The following SH3BP5 variants were observed in gnomAD, a reference collection of about 807,000 sequenced individuals.
SH3BP5 encodes SH3 domain binding protein 5, also known as SH3 domain-binding protein 5.
In SH3BP5, 22 loss-of-function variants were observed where a neutral mutation model predicts 43.3. The ratio of observed to expected loss-of-function variants is 0.51; its 90% CI spans 0.36 to 0.73. SH3BP5 has a LOEUF of 0.73. SH3BP5 is among the 30% of genes least tolerant of loss of function. The pLI, the probability that SH3BP5 is intolerant of heterozygous loss-of-function variation, is 0.00. For synonymous variants in SH3BP5, 255 were observed against 225.8 expected (o/e 1.13, Z -1.16); for missense variants, 529 against 586.9 (o/e 0.90, Z 1.02).
rs190583779 is a variant in SH3BP5 at position 15,328,838 on chromosome 3, G to A, written c.201+1666C>T. On this transcript the variant is annotated intron_variant, in intron 2 of 8. Transcript: ENST00000383791. ...TGAGTCCTGATCTGGAAAGTAAATA[G>A]TCCCTACCCTCCTAGCTCTCCAGGC... Among the ~76,000 whole-genome samples, 524 of 152,240 alleles carry A rather than the reference G, an allele frequency of 3.4e-3. 6 individuals carry two copies. Among genetic ancestry groups the A allele is most frequent in the Non-Finnish European group, 3.3e-3 (224 of 68,024 alleles).
intron 6 of SH3BP5, 108 bp from the exon 7 acceptor site, chr3:15,259,158 A>G: frequency 6.8e-6 from 6 of 879,700 alleles, no homozygotes; most frequent in South Asian, 6.4e-5. Flanking sequence ...ACTTCAAGGA[A>G]TTTTCCAAGA....
intron 2 of SH3BP5, among the ~76,000 whole-genome samples, chr3:15,330,049 G>A (rs1698570928): frequency 6.6e-6 from 1 of 152,226 alleles, no homozygotes. Context: ...GAAGGAGGCG[G>A]GGGGTGAGTT....
At chr3:15,321,148 C>T (rs867691446) in intron 2 of SH3BP5, among the ~76,000 whole-genome samples, 45 of 152,210 alleles carry the variant, frequency 3.0e-4, no homozygotes, top group African/African-American at 1.1e-3. Context: ...CCTATACGTG[C>T]CCACATTTAT....
At chr3:15,303,533 T>G (rs902710290) in intron 3 of SH3BP5, among the ~76,000 whole-genome samples, 1 of 152,150 alleles carries the variant, frequency 6.6e-6, no homozygotes, top group African/African-American at 2.4e-5. Context: ...AGCAATCGCC[T>G]GATCACAGTC....
In SH3BP5 at chr3:15,288,301, A is replaced by G. The variant is rs568458800; in HGVS notation, c.330+15802T>C. On this transcript the variant is annotated intron_variant, in intron 3 of 8. Transcript: ENST00000383791. Reference sequence around the variant, plus strand: ...AACAACCAGAATTATATTTGACCACATATCTGGACACTGCAGCCCAGTCAA... The same window carrying G: ...AACAACCAGAATTATATTTGACCACGTATCTGGACACTGCAGCCCAGTCAA... Among the ~76,000 whole-genome samples the G allele has an allele frequency of 9.2e-5, 14 of 152,354 alleles. No individual in the cohort carries two copies. In the South Asian group the frequency reaches 2.9e-3, roughly 32 times the overall value.
chr3:15,287,521 C>A (rs927765316), intron 3 of SH3BP5, among the ~76,000 whole-genome samples: 2 of 151,906 alleles, frequency 1.3e-5, no homozygotes, highest in Non-Finnish European at 2.9e-5. Flanking sequence ...CTATCTGCAC[C>A]GTCCCAAAAT....
At chr3:15,272,276 G>C (rs186925657) in intron 3 of SH3BP5, among the ~76,000 whole-genome samples, 17 of 152,310 alleles carry the variant, frequency 1.1e-4, no homozygotes, top group African/African-American at 4.1e-4. Context: ...TCCAGGCGAC[G>C]ATGACAATCA....
intron 3 of SH3BP5, among the ~76,000 whole-genome samples, chr3:15,296,673 T>A (rs1697581649): frequency 6.7e-6 from 1 of 150,212 alleles, no homozygotes; most frequent in South Asian, 2.1e-4. Context: ...CCTCTCATCC[T>A]CCACTTACGA....
chr3:15,305,515 C>T (rs1405398730), intron 2 of SH3BP5, among the ~76,000 whole-genome samples: 1 of 152,162 alleles, frequency 6.6e-6, no homozygotes, highest in Non-Finnish European at 1.5e-5. Context: ...GGTCCAGTCG[C>T]CATGGAACTC....
intron 3 of SH3BP5, among the ~76,000 whole-genome samples, chr3:15,291,575 A>C (rs1363867883): frequency 6.6e-6 from 1 of 152,216 alleles, no homozygotes; most frequent in East Asian, 1.9e-4. Context: ...CTTCTGGCTT[A>C]AACTCCACAA....
intron 3 of SH3BP5, among the ~76,000 whole-genome samples, chr3:15,271,995 C>G (rs568281947): frequency 6.6e-6 from 1 of 152,236 alleles, no homozygotes; most frequent in Non-Finnish European, 1.5e-5. Flanking sequence ...ATCCCCAAGT[C>G]AGTTACATAA....
intron 3 of SH3BP5, among the ~76,000 whole-genome samples, chr3:15,272,272 C>T (rs578073169): frequency 5.3e-5 from 8 of 152,262 alleles, no homozygotes; most frequent in South Asian, 4.1e-4. Flanking sequence ...GCCCTCCAGG[C>T]GACGATGACA....
chr3:15,332,654 C>A, upstream of SH3BP5: 1 of 1,154,942 alleles, frequency 8.7e-7, no homozygotes, highest in Non-Finnish European at 1.1e-6. Flanking sequence ...CCCCGTCCCG[C>A]CCCGGCCTCG....
rs542020431 is a variant in SH3BP5, at chr3:15,314,665, G to A, written c.202-10434C>T. On this transcript the variant is annotated intron_variant, in intron 2 of 8. Transcript: ENST00000383791. The stretch of plus-strand genomic sequence containing the variant: ...ATGGCATAGGCCCAATTCCACAGCA[G>A]TTTGTGTCATCCAACTAGAAGACCC... Among the ~76,000 whole-genome samples, 6 of 152,342 alleles carry A rather than the reference G, an allele frequency of 3.9e-5. No homozygotes were observed. In the South Asian group the frequency reaches 1.2e-3, roughly 32 times the overall value.
intron 2 of SH3BP5, among the ~76,000 whole-genome samples, chr3:15,306,475 T>C (rs1697909440): frequency 6.6e-6 from 1 of 151,998 alleles, no homozygotes; most frequent in South Asian, 2.1e-4. Flanking sequence ...ACCACTGCAC[T>C]CCAGCCTGGA....
chr3:15,303,692 G>GAA (rs754583932), intron 3 of SH3BP5, among the ~76,000 whole-genome samples: 1 of 135,334 alleles, frequency 7.4e-6, no homozygotes, highest in Admixed American at 7.4e-5. Flanking sequence ...TCTTAAAAAG[G>GAA]AAAAAAAAAA....
upstream of SH3BP5, among the ~76,000 whole-genome samples, chr3:15,335,029 T>C (rs1029105815): frequency 2.0e-4 from 30 of 151,962 alleles, no homozygotes; most frequent in African/African-American, 6.5e-4. Context: ...TCTCAGTCCT[T>C]TGGGAGGCCG....
intron 3 of SH3BP5, among the ~76,000 whole-genome samples, chr3:15,291,392 G>T (rs897234109): frequency 6.6e-6 from 1 of 152,096 alleles, no homozygotes; most frequent in Admixed American, 6.5e-5. Context: ...TTTTGGTAGG[G>T]CTGCCAGATT....
At chr3:15,279,887 C>T (rs1177639529) in intron 3 of SH3BP5, among the ~76,000 whole-genome samples, 5 of 152,150 alleles carry the variant, frequency 3.3e-5, no homozygotes, top group Admixed American at 6.5e-5. Context: ...TGTTCAGACA[C>T]AGCACCCAGA....
Sources: allele counts gnomAD v4.1 joint callset (sites outside exome capture counted in the v4.1 genomes callset), GRCh38; gene constraint gnomAD v4.1.1; transcripts MANE v1.5; gene names NCBI Gene and HGNC (gene_info 2026-07-23, HGNC 2026-07-21).